The following SCAPER variants were observed in gnomAD, a reference collection of about 807,000 sequenced individuals.
SCAPER encodes S phase cyclin A-associated protein in the endoplasmic reticulum.
A neutral mutation model predicts 182.2 loss-of-function variants in SCAPER; 98 were observed. The ratio of observed to expected loss-of-function variants is 0.54; its 90% CI spans 0.46 to 0.64. The LOEUF is 0.64. Among genes scored for constraint, SCAPER ranks in the 30% least tolerant of loss-of-function variants. The pLI is 0.00. For synonymous variants in SCAPER, 605 were observed against 564.6 expected, an observed-to-expected ratio of 1.07 and a Z score of -1.01; for missense variants, 1,432 against 1,690.0, an observed-to-expected ratio of 0.85 and a Z score of 2.68.
At chr15:76,575,008 G>C (rs534932672) in intron 22 of SCAPER, among the ~76,000 whole-genome samples, 3 of 152,042 alleles carry the variant, frequency 2.0e-5, no homozygotes. Flanking sequence ...TTTTATCTGT[G>C]GTAGATTCCA....
chr15:76,536,312 A>G (rs1396087997), intron 23 of SCAPER, among the ~76,000 whole-genome samples: 1 of 152,184 alleles, frequency 6.6e-6, no homozygotes, highest in Non-Finnish European at 1.5e-5. Context: ...TGGGCAACAT[A>G]GAGAGACCTT....
At chr15:76,826,574 A>G (rs2068040294) in intron 5 of SCAPER, among the ~76,000 whole-genome samples, 1 of 152,048 alleles carries the variant, frequency 6.6e-6, no homozygotes. Flanking sequence ...ATAATTAAAA[A>G]AAAAAAAAAA....
intron 22 of SCAPER, among the ~76,000 whole-genome samples, chr15:76,611,379 A>C (rs1366405309): frequency 1.3e-5 from 2 of 152,206 alleles, no homozygotes; most frequent in Non-Finnish European, 2.9e-5. Context: ...AGACTAAACA[A>C]GAAAGAAACG....
chr15:76,535,294 C>T (rs1321895734), intron 23 of SCAPER, among the ~76,000 whole-genome samples: 5 of 151,882 alleles, frequency 3.3e-5, no homozygotes, highest in South Asian at 2.1e-4. Context: ...GAGGCCGAGG[C>T]GGGCGGATCA....
At chr15:76,693,509 G>A (rs1034099719) in intron 20 of SCAPER, among the ~76,000 whole-genome samples, 1 of 151,986 alleles carries the variant, frequency 6.6e-6, no homozygotes, top group African/African-American at 2.4e-5. Context: ...TGAAAGCAAG[G>A]ACTCAAACAA....
At chr15:76,830,761 G>A (rs2068399615) in intron 5 of SCAPER, among the ~76,000 whole-genome samples, 1 of 151,944 alleles carries the variant, frequency 6.6e-6, no homozygotes, top group African/African-American at 2.4e-5. Context: ...ACTAGACGTA[G>A]CCAGGAAGAA....
chr15:76,791,605 G>C (rs2065011724), intron 8 of SCAPER, among the ~76,000 whole-genome samples: 2 of 151,758 alleles, frequency 1.3e-5, no homozygotes, highest in South Asian at 4.2e-4. Context: ...AGGGAATTGA[G>C]TCAAAAAATC....
At chr15:76,522,967 G>A (rs1298845234) in intron 23 of SCAPER, among the ~76,000 whole-genome samples, 1 of 151,860 alleles carries the variant, frequency 6.6e-6, no homozygotes, top group Non-Finnish European at 1.5e-5. Flanking sequence ...TTTACATGGG[G>A]AATTCTATTC....
At chr15:76,539,023 A>G (rs1027394676) in intron 23 of SCAPER, among the ~76,000 whole-genome samples, 3 of 152,114 alleles carry the variant, frequency 2.0e-5, no homozygotes, top group African/African-American at 7.2e-5. Flanking sequence ...ACTCTACAAT[A>G]ATTATGTAAC....
intron 17 of SCAPER, among the ~76,000 whole-genome samples, chr15:76,711,751 G>C (rs184812661): frequency 1.3e-5 from 2 of 152,084 alleles, no homozygotes; most frequent in Non-Finnish European, 2.9e-5. Context: ...AGAAGTGTCT[G>C]TTCATATCCT....
chr15:76,405,407 A>G (rs2044758064), intron 26 of SCAPER, among the ~76,000 whole-genome samples: 1 of 152,028 alleles, frequency 6.6e-6, no homozygotes, highest in African/African-American at 2.4e-5. Flanking sequence ...ATGGGCCACC[A>G]TGCCTGGCTA....
chr15:76,689,780 A>G (rs2058247906), intron 20 of SCAPER, among the ~76,000 whole-genome samples: 1 of 152,066 alleles, frequency 6.6e-6, no homozygotes, highest in African/African-American at 2.4e-5. Context: ...TTACAAGATT[A>G]TAAAATGCCA....
At chr15:76,858,979 T>C (rs558513744) in intron 3 of SCAPER, among the ~76,000 whole-genome samples, 1 of 152,298 alleles carries the variant, frequency 6.6e-6, no homozygotes, top group Admixed American at 6.5e-5. Flanking sequence ...ATTCTTTGAG[T>C]ATATACTCAG....
At chr15:76,859,496 C>CT (rs2071693928) in intron 3 of SCAPER, among the ~76,000 whole-genome samples, 1 of 152,232 alleles carries the variant, frequency 6.6e-6, no homozygotes, top group East Asian at 1.9e-4. Context: ...AAGCAGAGAA[C>CT]TTTTTTTAAG....
intron 23 of SCAPER, among the ~76,000 whole-genome samples, chr15:76,523,672 A>G (rs894917152): frequency 6.6e-6 from 1 of 152,108 alleles, no homozygotes; most frequent in African/African-American, 2.4e-5. Context: ...ATATTATAAC[A>G]TGAGTACAAT....
chr15:76,872,034 C>G (rs1039647087), intron 2 of SCAPER, among the ~76,000 whole-genome samples: 2 of 151,430 alleles, frequency 1.3e-5, no homozygotes, highest in Non-Finnish European at 2.9e-5. Context: ...CATGGATATT[C>G]TAGAAGAGAA....
chr15:76,787,439 C>T (rs773222999), intron 8 of SCAPER, among the ~76,000 whole-genome samples: 26 of 152,190 alleles, frequency 1.7e-4, no homozygotes, highest in Non-Finnish European at 3.1e-4. Context: ...GGCTGGAATG[C>T]GGCGATCCTC....
chr15:76,658,624 C>G (rs754826033), intron 21 of SCAPER, among the ~76,000 whole-genome samples: 1 of 152,116 alleles, frequency 6.6e-6, no homozygotes, highest in Admixed American at 6.6e-5. Context: ...CGTAAAAGAA[C>G]AAAGCTGAAG....
chr15:76,882,444 T>C (rs1403887253), intron 2 of SCAPER, among the ~76,000 whole-genome samples: 1 of 151,828 alleles, frequency 6.6e-6, no homozygotes, highest in African/African-American at 2.4e-5. Flanking sequence ...CCTAGACTTC[T>C]ATCCCCTCTA....
Sources: gnomAD v4.1 joint callset for allele counts (sites outside exome capture counted in the v4.1 genomes callset) on GRCh38, gnomAD v4.1.1 for gene constraint, MANE v1.5 for transcripts, NCBI Gene and HGNC (gene_info 2026-07-23, HGNC 2026-07-21) for gene names.